Variants in DSCAML1 observed in about 807,000 individuals in gnomAD.
DSCAML1 encodes DS cell adhesion molecule like 1.
Under a neutral mutation model 200.5 loss-of-function variants are expected in DSCAML1, and 38 were observed. The ratio of observed to expected loss-of-function variants is 0.19; its 90% CI spans 0.15 to 0.25. DSCAML1 has a LOEUF of 0.25. DSCAML1 is among the 10% of genes least tolerant of loss of function. DSCAML1 has a pLI of 1.00. For synonymous variants in DSCAML1, 1,215 were observed against 1,165.0 expected (o/e 1.04, Z -0.87); for missense variants, 2,223 against 2,858.8 (o/e 0.78, Z 5.07).
At chr11:117,439,129 T>C in intron 23 of DSCAML1, 137 bp downstream of exon 23, 1 of 1,368,290 alleles carries the variant, frequency 7.3e-7, no homozygotes, top group East Asian at 2.4e-5. Context: ...CCCTTCCATG[T>C]GCACCTCTGT....
At chr11:117,551,689 G>A (rs2050468807) in intron 3 of DSCAML1, among the ~76,000 whole-genome samples, 1 of 152,180 alleles carries the variant, frequency 6.6e-6, no homozygotes, top group African/African-American at 2.4e-5. Context: ...AGATGGGGCA[G>A]TTGGGGAAAG....
intron 3 of DSCAML1, among the ~76,000 whole-genome samples, chr11:117,628,819 G>A (rs1278680873): frequency 6.6e-6 from 1 of 152,142 alleles, no homozygotes; most frequent in African/African-American, 2.4e-5. Flanking sequence ...GAAACCAGAT[G>A]GCTCAATCTG....
intron 30 of DSCAML1, among the ~76,000 whole-genome samples, 183 bp from the exon 31 acceptor site, chr11:117,431,911 T>C (rs985315849): frequency 1.3e-5 from 2 of 150,000 alleles, no homozygotes; most frequent in African/African-American, 4.9e-5. Flanking sequence ...AGCAATCGAG[T>C]CAAGGTTGGG....
intron 5 of DSCAML1, among the ~76,000 whole-genome samples, chr11:117,522,346 T>C (rs546917490): frequency 7.9e-5 from 12 of 152,330 alleles, no homozygotes; most frequent in Non-Finnish European, 1.5e-4. Flanking sequence ...CCTTTCCCTC[T>C]GGACTGTGGG....
intron 1 of DSCAML1, among the ~76,000 whole-genome samples, chr11:117,816,800 G>GA (rs1001618275): frequency 9.5e-6 from 1 of 105,752 alleles, no homozygotes; most frequent in Non-Finnish European, 2.2e-5. Flanking sequence ...GGAATTGCTG[G>GA]GGGGGTGGGG....
rs2049831482 is a variant in DSCAML1 at position 117,518,835 on chromosome 11, A to G, written c.1214-73T>C. The G allele has an allele frequency of 1.3e-6, 2 of 1,493,160 alleles. No individual in the cohort carries two copies. The highest frequency in any genetic ancestry group is 2.3e-5 in the Admixed American group (1 of 43,288). 92.5% of individuals were successfully genotyped at this position (1,493,160 alleles called of 1,614,324 possible). On this transcript the variant is annotated intron_variant, in intron 6 of 32. Transcript: ENST00000651296. This position sits in a 1 kb window ranked among gnomAD's most constrained non-coding sequence, Gnocchi z 6.3. ...ACGGTCCCCCCAGCCACCCCACCTC[A>G]GCAGGGGAGGAGGCAAAAAGCAGCC... is the stretch of plus-strand genomic sequence containing the variant.
At chr11:117,750,042 T>C (rs1395838182) in intron 3 of DSCAML1, among the ~76,000 whole-genome samples, 1 of 152,186 alleles carries the variant, frequency 6.6e-6, no homozygotes, top group African/African-American at 2.4e-5. Context: ...ACCCTAGAAA[T>C]TGGATGATCC....
At chr11:117,597,981 T>G (rs938172960) in intron 3 of DSCAML1, among the ~76,000 whole-genome samples, 1 of 152,080 alleles carries the variant, frequency 6.6e-6, no homozygotes, top group Non-Finnish European at 1.5e-5. Flanking sequence ...GAAATATGCC[T>G]GGCCCAAACC....
chr11:117,512,782 CA>C (rs2049663149), intron 8 of DSCAML1, among the ~76,000 whole-genome samples: 5 of 149,270 alleles, frequency 3.3e-5, no homozygotes. Flanking sequence ...CACACACACA[CA>C]CACACACACA....
At chr11:117,645,567 G>A (rs1220458827) in intron 3 of DSCAML1, among the ~76,000 whole-genome samples, 1 of 151,968 alleles carries the variant, frequency 6.6e-6, no homozygotes, top group African/African-American at 2.4e-5. Flanking sequence ...ATACTATGCA[G>A]CCATAAAAAA....
chr11:117,627,699 C>T (rs1184078989), intron 3 of DSCAML1, among the ~76,000 whole-genome samples: 1 of 152,138 alleles, frequency 6.6e-6, no homozygotes, highest in Non-Finnish European at 1.5e-5. Flanking sequence ...TATGATCTCA[C>T]AGAAGTTTTG....
chr11:117,765,331 G>C (rs1223921203), intron 3 of DSCAML1, among the ~76,000 whole-genome samples: 1 of 152,200 alleles, frequency 6.6e-6, no homozygotes, highest in African/African-American at 2.4e-5. Flanking sequence ...CAAAAGCCAA[G>C]AGCGTAATGG....
intron 3 of DSCAML1, 73 bp from the exon 4 acceptor site, chr11:117,532,595 G>A: frequency 6.9e-7 from 1 of 1,442,240 alleles, no homozygotes; most frequent in Non-Finnish European, 9.4e-7. Context: ...TAGCGTCTCT[G>A]ACAGATGAGG....
intron 3 of DSCAML1, among the ~76,000 whole-genome samples, chr11:117,573,708 A>G (rs112431494): frequency 0.02 from 2,984 of 152,326 alleles, 88 homozygotes; most frequent in African/African-American, 0.066. Flanking sequence ...GTGGAACAGT[A>G]AGCCCCAAAT....
chr11:117,751,395 C>CTT (rs368589239), intron 3 of DSCAML1, among the ~76,000 whole-genome samples: 1 of 142,508 alleles, frequency 7.0e-6, no homozygotes, highest in Admixed American at 7.1e-5. Flanking sequence ...CACCTTTTTT[C>CTT]TTTTTTTTTT....
At position 117,518,671 on chromosome 11, in the gene DSCAML1, C is replaced by T. The variant is rs113913629; in HGVS notation, c.1305G>A (p.Pro435=). The part of the protein sequence containing the change: ...FSLMCAAKGA[P]PPTVTWALDD... ...CGAGGGCCCAGGTGACCGTGGGGGG[C>T]GGGGCGCCCTTGGCCGCACACATCA... is the stretch of plus-strand genomic sequence containing the variant. Residue 435 remains proline (P), a synonymous_variant, in exon 7 of 33, where the codon CCG becomes CCA. Transcript: ENST00000651296. The surrounding 1 kb of genome is among the most constrained non-coding windows in gnomAD (Gnocchi z 6.3). The T allele has an allele frequency of 5.9e-4, 953 of 1,613,116 alleles. 6 individuals carry two copies. In the African/African-American group the frequency reaches 0.011, roughly 18 times the overall value.
chr11:117,586,594 A>G (rs2051147751), intron 3 of DSCAML1, among the ~76,000 whole-genome samples: 1 of 152,204 alleles, frequency 6.6e-6, no homozygotes, highest in Admixed American at 6.5e-5. Context: ...TGGCAGGATC[A>G]GATCTAGACA....
chr11:117,530,241 T>C (rs994159227), intron 4 of DSCAML1, among the ~76,000 whole-genome samples: 3 of 152,112 alleles, frequency 2.0e-5, no homozygotes, highest in African/African-American at 2.4e-5. Context: ...ATGTCTCTTT[T>C]TGAGGGACTC....
intron 3 of DSCAML1, among the ~76,000 whole-genome samples, chr11:117,676,815 C>T (rs958996409): frequency 2.0e-5 from 3 of 152,250 alleles, no homozygotes; most frequent in African/African-American, 7.2e-5. Flanking sequence ...AGTGTTATGC[C>T]TTTGGGAAAC....
Sources: gnomAD v4.1 joint callset for allele counts (sites outside exome capture counted in the v4.1 genomes callset) on GRCh38, gnomAD v4.1.1 for gene constraint, Gnocchi (gnomAD v3.1) non-coding constraint, MANE v1.5 for transcripts, NCBI Gene and HGNC (gene_info 2026-07-23, HGNC 2026-07-21) for gene names.